CYP39A1: variants seen among roughly 807,000 people sequenced by gnomAD.
The protein encoded by CYP39A1 is cytochrome P450 family 39 subfamily A member 1.
A neutral mutation model predicts 58.1 loss-of-function variants in CYP39A1; 49 were observed. The observed-to-expected ratio is 0.84, with a 90% CI of 0.67 to 1.07. The LOEUF (loss-of-function observed/expected upper bound fraction) is 1.07, where lower values mean the gene tolerates loss of function less well. Among genes scored for constraint, CYP39A1 ranks in the 50% least tolerant of loss-of-function variants. CYP39A1 has a pLI of 0.00. For synonymous variants in CYP39A1, 209 were observed against 187.6 expected (o/e 1.11, Z -0.93); for missense variants, 531 against 539.4 (o/e 0.98, Z 0.16).
rs1026787385 is a variant in CYP39A1, at chr6:46,560,905, T to C, written c.1251-7051A>G. Among the ~76,000 whole-genome samples, 11 of 152,244 alleles carry C rather than the reference T, an allele frequency of 7.2e-5. No individual in the cohort carries two copies. In the East Asian group the frequency reaches 2.1e-3, roughly 29 times the overall value. On this transcript the variant is annotated intron_variant, in intron 10 of 11. Coordinates refer to ENST00000275016, the MANE Select transcript of CYP39A1 (RefSeq NM_016593.5). The stretch of plus-strand genomic sequence containing the variant: ...TAGAATAATAAAGGAAGGTGGTGTG[T>C]CTGCAACCCCATAAATAAAGTGTTT...
intron 6 of CYP39A1, 50 bp downstream of exon 6, chr6:46,630,913 T>A (rs1484009505): frequency 4.6e-6 from 6 of 1,295,858 alleles, no homozygotes; most frequent in Non-Finnish European, 6.6e-6. Context: ...GAAAAAAAGA[T>A]GAAAGGACAG....
At chr6:46,609,425 A>G (rs953330666) in intron 7 of CYP39A1, among the ~76,000 whole-genome samples, 11 of 152,068 alleles carry the variant, frequency 7.2e-5, no homozygotes, top group African/African-American at 1.9e-4. Flanking sequence ...AAAAAAAAAA[A>G]AAAAGAAAAA....
chr6:46,591,341 T>C (rs1166881445), intron 8 of CYP39A1, among the ~76,000 whole-genome samples: 2 of 152,066 alleles, frequency 1.3e-5, no homozygotes, highest in Non-Finnish European at 2.9e-5. Flanking sequence ...TATAGTTGTG[T>C]TGTATATTGA....
At chr6:46,560,585 TA>T (rs1334252020) in intron 10 of CYP39A1, among the ~76,000 whole-genome samples, 1 of 152,246 alleles carries the variant, frequency 6.6e-6, no homozygotes, top group East Asian at 1.9e-4. Flanking sequence ...CAGCTCTCTA[TA>T]GACCAGTGCC....
intron 7 of CYP39A1, among the ~76,000 whole-genome samples, chr6:46,605,584 T>C (rs952273162): frequency 6.6e-6 from 1 of 152,134 alleles, no homozygotes; most frequent in Non-Finnish European, 1.5e-5. Flanking sequence ...GGAAAGAGTT[T>C]AGAAATTGCA....
chr6:46,565,760 G>A (rs1338388232), intron 10 of CYP39A1, among the ~76,000 whole-genome samples: 1 of 152,030 alleles, frequency 6.6e-6, no homozygotes, highest in Non-Finnish European at 1.5e-5. Context: ...ATCAGATAGA[G>A]CACTGTCATC....
chr6:46,554,754 T>C (rs1187850192), intron 10 of CYP39A1, among the ~76,000 whole-genome samples: 2 of 152,146 alleles, frequency 1.3e-5, no homozygotes, highest in Non-Finnish European at 2.9e-5. Context: ...GGACAGAACA[T>C]TGTCATAGAC....
chr6:46,627,698 G>A (rs151156365), intron 6 of CYP39A1, among the ~76,000 whole-genome samples: 237 of 152,126 alleles, frequency 1.6e-3, no homozygotes, highest in African/African-American at 5.4e-3. Context: ...TATTACAGGC[G>A]TGAGCCACTT....
chr6:46,624,370 T>G (rs1480704420), intron 7 of CYP39A1, among the ~76,000 whole-genome samples: 2 of 152,216 alleles, frequency 1.3e-5, no homozygotes, highest in Non-Finnish European at 1.5e-5. Context: ...GCCAGTTGTC[T>G]TCTCTTATAT....
intron 10 of CYP39A1, among the ~76,000 whole-genome samples, chr6:46,575,397 T>C (rs1771797788): frequency 6.6e-6 from 1 of 152,188 alleles, no homozygotes; most frequent in Non-Finnish European, 1.5e-5. Flanking sequence ...CCCAGTCTGC[T>C]GGCCTCTCTC....
At chr6:46,585,608 T>C (rs1772429673) in intron 10 of CYP39A1, among the ~76,000 whole-genome samples, 1 of 152,096 alleles carries the variant, frequency 6.6e-6, no homozygotes, top group Non-Finnish European at 1.5e-5. Context: ...TACTCAATTA[T>C]AATGTTCAGC....
intron 11 of CYP39A1, among the ~76,000 whole-genome samples, chr6:46,552,180 C>G (rs1770437290): frequency 6.6e-6 from 1 of 152,176 alleles, no homozygotes. Context: ...CTGGTGTCCT[C>G]TTGCTGGTGA....
rs115654748 is a variant in CYP39A1 at position 46,600,892 on chromosome 6, T to A, written c.932-4772A>T. ...ATTATCGAATCTAGAGAGGTGGTTG[T>A]GGAAAACTCCCGATTTGTAGACAAG... On this transcript the variant is annotated intron_variant, in intron 7 of 11. Transcript: ENST00000275016. Among the ~76,000 whole-genome samples the A allele has an allele frequency of 4.7e-3, 710 of 152,262 alleles. 4 individuals carry two copies. The highest frequency in any genetic ancestry group is 0.016 in the African/African-American group (677 of 41,554).
rs1369735141 is a variant in CYP39A1 at position 46,596,027 on chromosome 6, C to A, written c.1025G>T (p.Gly342Val). ...CTTCACCACTTTTCTAGTAATGACA[C>A]CAGGAGCTTTTAAACGAATGGTTTC... ...VLETIRLKAP[G>V]VITRKVVKPV... The change falls in exon 8 of 12, where the codon GGT (glycine) becomes GTT (valine). Residue 342 changes from glycine to valine, a missense_variant. Gly to Val is a moderately radical substitution (Grantham distance 109, BLOSUM62 -3). Transcript: ENST00000275016. 1 of 1,611,910 alleles carries A rather than the reference C, an allele frequency of 6.2e-7. No homozygotes were observed. The highest frequency in any genetic ancestry group is 8.5e-7 in the Non-Finnish European group (1 of 1,178,882).
At chr6:46,566,116 G>A (rs1478000633) in intron 10 of CYP39A1, among the ~76,000 whole-genome samples, 1 of 152,088 alleles carries the variant, frequency 6.6e-6, no homozygotes, top group Non-Finnish European at 1.5e-5. Flanking sequence ...GATTATAAGT[G>A]GCTGTTACTA....
At chr6:46,627,897 G>A (rs1463501971) in intron 6 of CYP39A1, among the ~76,000 whole-genome samples, 1 of 152,086 alleles carries the variant, frequency 6.6e-6, no homozygotes, top group Non-Finnish European at 1.5e-5. Flanking sequence ...TTTGGGAAAG[G>A]GGTTGAAAAC....
intron 11 of CYP39A1, among the ~76,000 whole-genome samples, chr6:46,550,884 CATAAAG>C (rs774301416): frequency 2.7e-4 from 41 of 152,226 alleles, no homozygotes; most frequent in South Asian, 1.2e-3. Context: ...CGTGACTTTC[CATAAAG>C]ATATATTTTT....
At chr6:46,579,179 A>C (rs1227825132) in intron 10 of CYP39A1, among the ~76,000 whole-genome samples, 4 of 151,728 alleles carry the variant, frequency 2.6e-5, no homozygotes, top group South Asian at 2.1e-4. Context: ...TACTTTATTT[A>C]CCTTGGATAC....
At chr6:46,632,171 A>C (rs1282362894) in intron 5 of CYP39A1, among the ~76,000 whole-genome samples, 2 of 152,234 alleles carry the variant, frequency 1.3e-5, no homozygotes, top group African/African-American at 4.8e-5. Context: ...TGCATGCAAT[A>C]GTAAACTATG....
Sources: gnomAD v4.1 joint callset for allele counts (sites outside exome capture counted in the v4.1 genomes callset) on GRCh38, gnomAD v4.1.1 for gene constraint, MANE v1.5 for transcripts, NCBI Gene and HGNC (gene_info 2026-07-23, HGNC 2026-07-21) for gene names.